The following NRIP1 variants were observed in gnomAD, a reference collection of about 807,000 sequenced individuals.
NRIP1 encodes nuclear receptor-interacting protein 1.
In NRIP1, 28 loss-of-function variants were observed where a neutral mutation model predicts 75.0. That is an observed-to-expected ratio of 0.37 (90% confidence interval 0.28 to 0.51). NRIP1 has a LOEUF of 0.51. NRIP1 is among the 20% of genes least tolerant of loss of function. The probability of loss-of-function intolerance (pLI) is 0.92; values close to 1 mark genes in which losing one functional copy is unlikely to be tolerated. For synonymous variants in NRIP1, 526 were observed against 487.6 expected (o/e 1.08, Z -1.04); for missense variants, 1,435 against 1,343.7 (o/e 1.07, Z -1.06).
chr21:15,033,461 A>G (rs1374109564), intron 2 of NRIP1, among the ~76,000 whole-genome samples: 2 of 152,190 alleles, frequency 1.3e-5, no homozygotes, highest in Non-Finnish European at 2.9e-5. Flanking sequence ...AAACCACCAC[A>G]TCACAGCCTG....
chr21:14,990,169 T>G (rs2087529935), intron 3 of NRIP1, among the ~76,000 whole-genome samples: 1 of 152,194 alleles, frequency 6.6e-6, no homozygotes, highest in African/African-American at 2.4e-5. Flanking sequence ...AAGGTGAGCA[T>G]GTACTCTTTC....
intron 3 of NRIP1, among the ~76,000 whole-genome samples, chr21:14,969,473 C>T (rs2079753787): frequency 6.6e-6 from 1 of 152,170 alleles, no homozygotes; most frequent in African/African-American, 2.4e-5. Flanking sequence ...AATTTCCTAT[C>T]ACTAACACAT....
chr21:15,040,964 TG>T (rs1463912363), intron 2 of NRIP1, among the ~76,000 whole-genome samples: 1 of 152,082 alleles, frequency 6.6e-6, no homozygotes, highest in East Asian at 1.9e-4. Context: ...TCTAAACACA[TG>T]CACATCCCAC....
At position 15,007,831 on chromosome 21, in the gene NRIP1, T is replaced by G. The variant is rs141284491; in HGVS notation, c.-335+6513A>C. On this transcript the variant is annotated intron_variant, in intron 3 of 3. Coordinates refer to ENST00000318948, the MANE Select transcript of NRIP1 (RefSeq NM_003489.4). ...GGACACAGAATTAAAAAATAAAAACTACCCAACATTCTATCAGCTTCATGT... is the reference window on the plus strand; with the variant it reads ...GGACACAGAATTAAAAAATAAAAACGACCCAACATTCTATCAGCTTCATGT... 6.6e-4 allele frequency among the ~76,000 whole-genome samples: 100 copies of G among 152,312 alleles called. 1 individual carries two copies. The East Asian group carries it at 0.017, about 26-fold the overall frequency.
Position 14,968,490 on chromosome 21 carries a change from C to T in NRIP1, c.-298G>A, listed in dbSNP as rs1162014700. ...AGTGAATATATTCCTTTTCCTTCTT[C>T]ATCTTTTGTTCCCCATTAAATGCAA... On this transcript the variant is annotated 5_prime_UTR_variant, in exon 4 of 4. The change abolishes an upstream ATG in the 5' untranslated region. Coordinates refer to ENST00000318948, the MANE Select transcript of NRIP1 (RefSeq NM_003489.4). 4 of 264,394 alleles carry T rather than the reference C, an allele frequency of 1.5e-5. No individual in the cohort carries two copies. Among genetic ancestry groups the T allele is most frequent in the Non-Finnish European group, 2.3e-5 (3 of 130,190 alleles). 16.4% of individuals were successfully genotyped at this position (264,394 alleles called of 1,614,324 possible).
intron 1 of NRIP1, among the ~76,000 whole-genome samples, chr21:15,058,385 T>C (rs1409009283): frequency 6.6e-6 from 1 of 152,216 alleles, no homozygotes; most frequent in Non-Finnish European, 1.5e-5. Flanking sequence ...ATTTTCTTGA[T>C]GTCCTCCATG....
chr21:14,982,510 T>A (rs2087265314), intron 3 of NRIP1, among the ~76,000 whole-genome samples: 1 of 152,174 alleles, frequency 6.6e-6, no homozygotes, highest in Non-Finnish European at 1.5e-5. Context: ...TTTCATTCTG[T>A]AAGTCTCAGC....
chr21:15,008,940 TCA>T (rs1351399768), intron 3 of NRIP1, among the ~76,000 whole-genome samples: 1 of 152,216 alleles, frequency 6.6e-6, no homozygotes, highest in Non-Finnish European at 1.5e-5. Context: ...AAATTTTTTC[TCA>T]GTTTAAATTT....
intron 3 of NRIP1, among the ~76,000 whole-genome samples, chr21:14,988,946 G>A (rs1466772252): frequency 6.6e-6 from 1 of 152,096 alleles, no homozygotes; most frequent in Non-Finnish European, 1.5e-5. Flanking sequence ...GAGAGGAGAG[G>A]AGAGGAGAGG....
chr21:14,990,061 G>A (rs1032773661), intron 3 of NRIP1, among the ~76,000 whole-genome samples: 1 of 152,068 alleles, frequency 6.6e-6, no homozygotes, highest in African/African-American at 2.4e-5. Context: ...ACTATTAAGT[G>A]GAAGAGTATT....
intron 2 of NRIP1, among the ~76,000 whole-genome samples, chr21:15,040,043 T>C (rs957279592): frequency 3.9e-5 from 6 of 152,084 alleles, no homozygotes; most frequent in Non-Finnish European, 8.8e-5. Context: ...ACTAAAGCAC[T>C]GTCTTTTAAA....
chr21:15,006,616 T>A (rs1348538755), intron 3 of NRIP1, among the ~76,000 whole-genome samples: 6 of 152,220 alleles, frequency 3.9e-5, no homozygotes. Context: ...AAGTACAGAA[T>A]TTAATAAGGT....
chr21:15,020,926 G>T (rs2088357957), intron 2 of NRIP1, among the ~76,000 whole-genome samples: 1 of 151,482 alleles, frequency 6.6e-6, no homozygotes, highest in African/African-American at 2.4e-5. Flanking sequence ...AGGACAGGAA[G>T]AAACTGAAAC....
At chr21:15,049,842 G>A (rs984816702) in intron 1 of NRIP1, among the ~76,000 whole-genome samples, 8 of 151,776 alleles carry the variant, frequency 5.3e-5, no homozygotes, top group African/African-American at 1.5e-4. Flanking sequence ...CTTTTCTTAC[G>A]TAAATCTATA....
In NRIP1 at chr21:14,967,748, G is replaced by C. The variant is rs985757795; in HGVS notation, c.445C>G (p.Leu149Val). ...AGGCTCTGCCTGATTTGTTGTGACA[G>C]AGCAACAGTCTGCAGCCTAGAGCTG... Reference protein sequence around the residue: ...SFSSRLQTVALSQQIRQSLKE... With the variant: ...SFSSRLQTVAVSQQIRQSLKE... The change falls in exon 4 of 4, where the codon CTG becomes GTG. Residue 149 changes from leucine (L) to valine (V), a missense_variant. By Grantham distance (32) the Leu-to-Val change is conservative. Transcript: ENST00000318948. 5 of 1,614,070 alleles carry C rather than the reference G, an allele frequency of 3.1e-6. No individual in the cohort carries two copies. Among genetic ancestry groups the C allele is most frequent in the African/African-American group, 1.3e-5 (1 of 74,930 alleles).
At chr21:14,989,260 G>A (rs1210350493) in intron 3 of NRIP1, among the ~76,000 whole-genome samples, 1 of 152,150 alleles carries the variant, frequency 6.6e-6, no homozygotes, top group Admixed American at 6.6e-5. Context: ...ATGTGGCTCT[G>A]AATTTCAAAT....
At chr21:14,990,806 A>G (rs2087549317) in intron 3 of NRIP1, among the ~76,000 whole-genome samples, 2 of 152,144 alleles carry the variant, frequency 1.3e-5, no homozygotes, top group Admixed American at 6.6e-5. Flanking sequence ...GATACAGCTA[A>G]CTTCTATCAT....
rs558800343 is a variant in NRIP1 at position 14,976,977 on chromosome 21, T to C, written c.-334-8451A>G. Among the ~76,000 whole-genome samples, 4 of 152,330 alleles carry C rather than the reference T, an allele frequency of 2.6e-5. No homozygotes were observed. In the South Asian group the frequency reaches 6.2e-4, roughly 24 times the overall value. On this transcript the variant is annotated intron_variant, in intron 3 of 3. Transcript: ENST00000318948. ...CAATTTGTTCTGCAATATCAAGTAATACCTATTTGAGTACTGAATTTAAAG... is the reference window on the plus strand; with the variant it reads ...CAATTTGTTCTGCAATATCAAGTAACACCTATTTGAGTACTGAATTTAAAG...
intron 1 of NRIP1, chr21:15,051,071 C>G (rs559168826): frequency 2.2e-5 from 8 of 369,408 alleles, no homozygotes; most frequent in African/African-American, 1.5e-4. Flanking sequence ...CACAGATACT[C>G]CAGAAACGGC....
Sources: gnomAD v4.1 joint callset for allele counts (sites outside exome capture counted in the v4.1 genomes callset) on GRCh38, gnomAD v4.1.1 for gene constraint, MANE v1.5 for transcripts, NCBI Gene and HGNC (gene_info 2026-07-23, HGNC 2026-07-21) for gene names.